Variants in NUBPL observed in about 807,000 individuals in gnomAD.
The protein encoded by NUBPL is iron-sulfur cluster transfer protein NUBPL.
In NUBPL, 31 loss-of-function variants were observed where a neutral mutation model predicts 45.7. That is an observed-to-expected ratio of 0.68 (90% CI 0.51 to 0.92). The LOEUF (loss-of-function observed/expected upper bound fraction) is 0.92, where lower values mean the gene tolerates loss of function less well. NUBPL is among the 40% of genes least tolerant of loss of function. The pLI, the probability that NUBPL is intolerant of heterozygous loss-of-function variation, is 0.00. For missense variants in NUBPL, 401 were observed against 398.7 expected (o/e 1.01, Z -0.05); for synonymous variants, 144 against 140.9 (o/e 1.02, Z -0.15).
Position 31,561,858 on chromosome 14 carries a change from C to T in NUBPL, c.109-210C>T, listed in dbSNP as rs2033290847. 17 of 610,750 alleles carry T rather than the reference C, an allele frequency of 2.8e-5. No individual in the cohort carries two copies. In the South Asian group the frequency reaches 3.7e-4, roughly 13 times the overall value. 37.8% of individuals were successfully genotyped at this position (610,750 alleles called of 1,614,324 possible). On this transcript the variant is annotated intron_variant, in intron 1 of 10. Transcript: ENST00000281081. ...CAGCGTTTTTACATTTTTAAACGTT[C>T]AGCGTATCCTGCTAGAAAAATTTCA...
At chr14:31,570,092 T>C (rs1430106324) in intron 3 of NUBPL, among the ~76,000 whole-genome samples, 1 of 152,160 alleles carries the variant, frequency 6.6e-6, no homozygotes, top group African/African-American at 2.4e-5. Context: ...CTAACACTCA[T>C]TGCCAGACAC....
intron 4 of NUBPL, among the ~76,000 whole-genome samples, chr14:31,636,334 A>T (rs529262068): frequency 0.035 from 5,384 of 151,946 alleles, 123 homozygotes; most frequent in Middle Eastern, 0.058. Context: ...CCTTTTCTGC[A>T]TCTATTGAGA....
intron 6 of NUBPL, among the ~76,000 whole-genome samples, chr14:31,676,026 CTT>C (rs1322414280): frequency 3.5e-5 from 5 of 143,618 alleles, no homozygotes; most frequent in Admixed American, 7.0e-5. Flanking sequence ...CAGGATGTAG[CTT>C]TTTTTTTTTT....
intron 4 of NUBPL, among the ~76,000 whole-genome samples, chr14:31,638,323 G>T (rs983438454): frequency 1.3e-4 from 20 of 151,460 alleles, no homozygotes; most frequent in South Asian, 1.3e-3. Context: ...GTCTGTAAAG[G>T]ATTTTATTTC....
At chr14:31,654,412 C>CTT (rs747651197) in intron 4 of NUBPL, among the ~76,000 whole-genome samples, 9 of 136,678 alleles carry the variant, frequency 6.6e-5, no homozygotes, top group African/African-American at 1.1e-4. Flanking sequence ...TTTTTTTTTT[C>CTT]TTTTTTTTTT....
At chr14:31,564,209 C>G (rs1339809095) in intron 2 of NUBPL, among the ~76,000 whole-genome samples, 1 of 152,158 alleles carries the variant, frequency 6.6e-6, no homozygotes, top group African/African-American at 2.4e-5. Flanking sequence ...TGGTCTAAAG[C>G]TGGCTTTGGG....
At chr14:31,760,947 G>A (rs577922248) in intron 6 of NUBPL, among the ~76,000 whole-genome samples, 8 of 151,492 alleles carry the variant, frequency 5.3e-5, no homozygotes, top group East Asian at 3.9e-4. Context: ...TCCTCCCACC[G>A]CAGCCTGCTG....
At chr14:31,572,446 AT>A (rs1343245561) in intron 3 of NUBPL, among the ~76,000 whole-genome samples, 1 of 152,112 alleles carries the variant, frequency 6.6e-6, no homozygotes, top group Admixed American at 6.6e-5. Flanking sequence ...GCCTAGCTAG[AT>A]TCTTATGATT....
intron 6 of NUBPL, among the ~76,000 whole-genome samples, chr14:31,784,681 A>G (rs1426661087): frequency 6.6e-6 from 1 of 150,470 alleles, no homozygotes; most frequent in East Asian, 1.9e-4. Context: ...CGGGGTAACT[A>G]TTTTTCAAGC....
At chr14:31,760,144 T>TGTGTGTGTGTGTGTGTGTGTGTGAGA in intron 6 of NUBPL, among the ~76,000 whole-genome samples, 7 of 34,836 alleles carry the variant, frequency 2.0e-4, no homozygotes, top group African/African-American at 4.3e-4. Context: ...TGTGTGTGTG[T>TGTGTGTGTGTGTGTGTGTGTGTGAGA]GAGAGAGAGA....
At chr14:31,576,602 T>A (rs2033724444) in intron 3 of NUBPL, among the ~76,000 whole-genome samples, 2 of 152,136 alleles carry the variant, frequency 1.3e-5, no homozygotes, top group South Asian at 4.1e-4. Context: ...TTTGGGAGAT[T>A]GTTGTTTCCA....
chr14:31,816,550 G>C (rs1206354027), intron 7 of NUBPL, among the ~76,000 whole-genome samples: 3 of 151,920 alleles, frequency 2.0e-5, no homozygotes, highest in Non-Finnish European at 4.4e-5. Context: ...TCTGATCTTA[G>C]TTATTTCTTG....
At chr14:31,694,752 G>A (rs981909482) in intron 6 of NUBPL, among the ~76,000 whole-genome samples, 31 of 152,320 alleles carry the variant, frequency 2.0e-4, no homozygotes, top group Admixed American at 2.0e-3. Context: ...CTGACCTCAT[G>A]ATCTGCCCGC....
intron 6 of NUBPL, among the ~76,000 whole-genome samples, chr14:31,726,038 A>G (rs1479023474): frequency 1.3e-5 from 2 of 152,096 alleles, no homozygotes; most frequent in Non-Finnish European, 2.9e-5. Flanking sequence ...TTAAAGATGT[A>G]TTTTATCTAG....
chr14:31,782,936 T>G (rs2138803091), intron 6 of NUBPL, among the ~76,000 whole-genome samples: 1 of 152,324 alleles, frequency 6.6e-6, no homozygotes, highest in South Asian at 2.1e-4. Flanking sequence ...ATATTTAGTC[T>G]TTCTATTAAA....
chr14:31,804,073 A>G (rs971377750), intron 7 of NUBPL, among the ~76,000 whole-genome samples: 1 of 152,102 alleles, frequency 6.6e-6, no homozygotes, highest in Non-Finnish European at 1.5e-5. Flanking sequence ...ATCTAAATTT[A>G]AGAAGAAATA....
chr14:31,828,380 A>G (rs2040137790), intron 8 of NUBPL, among the ~76,000 whole-genome samples: 1 of 152,250 alleles, frequency 6.6e-6, no homozygotes, highest in African/African-American at 2.4e-5. Context: ...TGACTTAAGT[A>G]ATCTATAATC....
chr14:31,782,642 C>T (rs575366783), intron 6 of NUBPL, among the ~76,000 whole-genome samples: 52 of 151,850 alleles, frequency 3.4e-4, no homozygotes, highest in African/African-American at 1.2e-3. Flanking sequence ...AATAGAAAAA[C>T]ATTAGCCAAT....
At chr14:31,761,291 A>G (rs1022492578) in intron 6 of NUBPL, among the ~76,000 whole-genome samples, 8 of 152,020 alleles carry the variant, frequency 5.3e-5, no homozygotes, top group Non-Finnish European at 1.2e-4. Context: ...GGCTCAAGTG[A>G]TTCTCCCACC....
Sources: allele counts gnomAD v4.1 joint callset (sites outside exome capture counted in the v4.1 genomes callset), GRCh38; gene constraint gnomAD v4.1.1; transcripts MANE v1.5; gene names NCBI Gene and HGNC (gene_info 2026-07-23, HGNC 2026-07-21).